ASTN2: variants seen among roughly 807,000 people sequenced by gnomAD.
ASTN2 encodes astrotactin-2.
Under a neutral mutation model 139.8 loss-of-function variants are expected in ASTN2, and 54 were observed. That is an observed-to-expected ratio of 0.39 (90% confidence interval 0.31 to 0.48). The LOEUF (loss-of-function observed/expected upper bound fraction) is 0.48, where lower values mean the gene tolerates loss of function less well. Ranked by LOEUF, ASTN2 falls within the 20% of genes least tolerant of loss-of-function variation. The probability of loss-of-function intolerance (pLI) is 0.95; values close to 1 mark genes in which losing one functional copy is unlikely to be tolerated. For missense variants in ASTN2, 1,565 were observed against 1,725.1 expected (o/e 0.91, Z 1.64); for synonymous variants, 756 against 719.5 (o/e 1.05, Z -0.81).
chr9:116,827,361 C>A (rs1254423228), intron 11 of ASTN2, among the ~76,000 whole-genome samples: 1 of 148,788 alleles, frequency 6.7e-6, no homozygotes, highest in Admixed American at 6.7e-5. Context: ...ACAAACCACA[C>A]CCAAAGTAAG....
chr9:116,497,536 T>C (rs1297736228), intron 19 of ASTN2, among the ~76,000 whole-genome samples: 4 of 152,180 alleles, frequency 2.6e-5, no homozygotes, highest in Non-Finnish European at 5.9e-5. Context: ...CTGAATTTAA[T>C]AGTATTAACC....
chr9:116,620,173 G>A, intron 18 of ASTN2, 137 bp downstream of exon 18: 3 of 1,217,156 alleles, frequency 2.5e-6, no homozygotes, highest in Non-Finnish European at 3.4e-6. Context: ...TCCTAAAAAA[G>A]GAGGTAGATT....
chr9:116,727,599 G>A (rs920432904), intron 15 of ASTN2, among the ~76,000 whole-genome samples: 2 of 152,108 alleles, frequency 1.3e-5, no homozygotes, highest in Non-Finnish European at 2.9e-5. Context: ...AACCTGTTAA[G>A]TAATACAACT....
At chr9:117,024,613 A>C (rs1021525078) in intron 6 of ASTN2, among the ~76,000 whole-genome samples, 18 of 152,118 alleles carry the variant, frequency 1.2e-4, no homozygotes, top group Admixed American at 8.5e-4. Flanking sequence ...GTAGTGATAA[A>C]GATAAAACAG....
intron 11 of ASTN2, among the ~76,000 whole-genome samples, chr9:116,843,151 G>T (rs1225342541): frequency 2.6e-5 from 4 of 152,142 alleles, no homozygotes; most frequent in South Asian, 4.1e-4. Context: ...TGTGTTCATT[G>T]TTGCCCTATT....
intron 2 of ASTN2, among the ~76,000 whole-genome samples, chr9:117,241,581 G>T (rs1833208036): frequency 6.6e-6 from 1 of 152,164 alleles, no homozygotes. Context: ...CCTTGAATGT[G>T]CAGTTCACAA....
intron 1 of ASTN2, among the ~76,000 whole-genome samples, chr9:117,379,116 A>G (rs966515622): frequency 6.6e-6 from 1 of 152,182 alleles, no homozygotes; most frequent in African/African-American, 2.4e-5. Context: ...ACTGTAAGAC[A>G]ATTAAACCTC....
At position 117,019,032 on chromosome 9, in the gene ASTN2, A is replaced by G. The variant is rs115485341; in HGVS notation, c.1424-10773T>C. Reference sequence around the variant, plus strand: ...GGCTGCCTCGCATTCTGCTTGCTTCAAGGAAAACCTATCCACATCACTAAG... The same window carrying G: ...GGCTGCCTCGCATTCTGCTTGCTTCGAGGAAAACCTATCCACATCACTAAG... On this transcript the variant is annotated intron_variant, in intron 6 of 22. Transcript: ENST00000313400. Among the ~76,000 whole-genome samples, 1,126 of 152,152 alleles carry G rather than the reference A, an allele frequency of 7.4e-3. 15 individuals are homozygous for G. The highest frequency in any genetic ancestry group is 0.026 in the African/African-American group (1,087 of 41,528).
chr9:117,008,280 A>G (rs762629994), intron 6 of ASTN2, 21 bp from the exon 7 acceptor site: 6 of 1,562,214 alleles, frequency 3.8e-6, no homozygotes, highest in South Asian at 3.6e-5. Context: ...ACGGAGAGAC[A>G]GATACTTTCT....
intron 19 of ASTN2, among the ~76,000 whole-genome samples, chr9:116,554,438 A>G (rs1304084626): frequency 6.6e-6 from 1 of 152,288 alleles, no homozygotes; most frequent in African/African-American, 2.4e-5. Flanking sequence ...AAATCATTCT[A>G]TTGTGTTACA....
At chr9:116,531,773 C>T (rs1320509457) in intron 19 of ASTN2, among the ~76,000 whole-genome samples, 1 of 152,154 alleles carries the variant, frequency 6.6e-6, no homozygotes, top group African/African-American at 2.4e-5. Context: ...CACTGATGGA[C>T]ATTTGGGTTG....
At chr9:116,517,415 A>G (rs1031562168) in intron 19 of ASTN2, among the ~76,000 whole-genome samples, 2 of 152,134 alleles carry the variant, frequency 1.3e-5, no homozygotes, top group Admixed American at 1.3e-4. Flanking sequence ...AACAATCACT[A>G]CATTTCAGCT....
intron 19 of ASTN2, among the ~76,000 whole-genome samples, chr9:116,543,018 T>G (rs1029006824): frequency 6.6e-6 from 1 of 152,070 alleles, no homozygotes; most frequent in Non-Finnish European, 1.5e-5. Flanking sequence ...TAGTATCTTG[T>G]TGGACAGAAA....
chr9:117,028,624 A>G (rs1267727565), intron 6 of ASTN2, among the ~76,000 whole-genome samples: 2 of 152,136 alleles, frequency 1.3e-5, no homozygotes, highest in East Asian at 3.9e-4. Context: ...TGGGAGCCTG[A>G]AGTCCCTCCA....
intron 3 of ASTN2, among the ~76,000 whole-genome samples, chr9:117,151,329 C>T (rs10983551): frequency 0.22 from 33,973 of 152,064 alleles, 3,866 homozygotes; most frequent in South Asian, 0.28. Context: ...TCCATGACTT[C>T]AGAGGAAGGC....
intron 19 of ASTN2, among the ~76,000 whole-genome samples, chr9:116,615,802 C>T (rs1855820609): frequency 1.3e-5 from 2 of 151,748 alleles, no homozygotes; most frequent in African/African-American, 2.4e-5. Flanking sequence ...TACAGCACAC[C>T]AACATGGCAC....
chr9:116,748,943 C>G (rs1299769821), intron 13 of ASTN2, among the ~76,000 whole-genome samples: 1 of 152,132 alleles, frequency 6.6e-6, no homozygotes, highest in East Asian at 1.9e-4. Context: ...GATGAGAAGA[C>G]CTATTCTCAT....
chr9:116,767,670 C>T (rs969955085), intron 13 of ASTN2, among the ~76,000 whole-genome samples: 2 of 152,176 alleles, frequency 1.3e-5, no homozygotes, highest in African/African-American at 4.8e-5. Flanking sequence ...CTGTCCTCCA[C>T]ACATCACAGA....
Position 117,214,724 on chromosome 9 carries a change from G to C in ASTN2, c.649C>G (p.Leu217Val). 1 of 1,506,330 alleles carries C rather than the reference G, an allele frequency of 6.6e-7. No individual in the cohort carries two copies. The highest frequency in any genetic ancestry group is 1.4e-5 in the South Asian group (1 of 73,544). The allele number at this position is 1,506,330 out of a possible 1,614,324, so 93.3% of individuals were successfully genotyped here. A position where few individuals can be genotyped will look rare whatever the true frequency, so the allele number is the denominator to read the frequency against. Residue 217 changes from leucine to valine, a missense_variant, in exon 3 of 23, where the codon CTG becomes GTG. Coordinates refer to ENST00000313400, the MANE Select transcript of ASTN2 (RefSeq NM_001365068.1). ...ISVMGGLIAL[L>V]LLLLVFTVAL... ...ACGGTGAACACCAGCAGCAGCAGCAGCAGCGCGATGAGGCCACCCTGGAGC... is the reference window on the plus strand; with the variant it reads ...ACGGTGAACACCAGCAGCAGCAGCACCAGCGCGATGAGGCCACCCTGGAGC...
Sources: allele counts gnomAD v4.1 joint callset (sites outside exome capture counted in the v4.1 genomes callset), GRCh38; gene constraint gnomAD v4.1.1; transcripts MANE v1.5; gene names NCBI Gene and HGNC (gene_info 2026-07-23, HGNC 2026-07-21).